The following ANOS1 variants were observed in gnomAD, a reference collection of about 807,000 sequenced individuals.
ANOS1 encodes anosmin 1.
A neutral mutation model predicts 59.0 loss-of-function variants in ANOS1; 6 were observed. The observed-to-expected ratio is 0.10, with a 90% CI of 0.06 to 0.20. The LOEUF (loss-of-function observed/expected upper bound fraction) is 0.20, where lower values mean the gene tolerates loss of function less well. Among genes scored for constraint, ANOS1 ranks in the 10% least tolerant of loss-of-function variants. The pLI, the probability that ANOS1 is intolerant of heterozygous loss-of-function variation, is 1.00. For synonymous variants in ANOS1, 217 were observed against 223.4 expected, an observed-to-expected ratio of 0.97 and a Z score of 0.25; for missense variants, 433 against 542.3, an observed-to-expected ratio of 0.80 and a Z score of 2.00.
intron 3 of ANOS1, among the ~76,000 whole-genome samples, chrX:8,617,930 T>C (rs779833159): frequency 2.5e-4 from 28 of 111,301 alleles, no homozygotes; most frequent in African/African-American, 9.1e-4. Context: ...AAGTAAAACC[T>C]CCTCCTCTGC....
rs143314551 is a variant in ANOS1, at chrX:8,703,384, C to T, written c.208-3639G>A. 2.0e-3 allele frequency among the ~76,000 whole-genome samples: 227 copies of T among 112,229 alleles called. 1 individual carries two copies. Among genetic ancestry groups the T allele is most frequent in the Middle Eastern group, 0.018 (4 of 217 alleles). On this transcript the variant is annotated intron_variant, in intron 1 of 13. Transcript: ENST00000262648. ...AAAATATCACTAACGCGGCAATACACCTTTGACTATTATTATTATTATAGT... is the reference window on the plus strand; with the variant it reads ...AAAATATCACTAACGCGGCAATACATCTTTGACTATTATTATTATTATAGT...
At chrX:8,694,537 G>A (rs910808645) in intron 2 of ANOS1, among the ~76,000 whole-genome samples, 8 of 111,362 alleles carry the variant, frequency 7.2e-5, no homozygotes, top group Non-Finnish European at 1.5e-4. Context: ...GGCATGGTGG[G>A]GGGTACCTGT....
chrX:8,561,070 G>A (rs1202829813), intron 8 of ANOS1, among the ~76,000 whole-genome samples: 1 of 111,913 alleles, frequency 8.9e-6, no homozygotes, highest in Non-Finnish European at 1.9e-5. Flanking sequence ...GAGAGAACAT[G>A]CCCAACCTGC....
chrX:8,596,383 C>A (rs1930736395), intron 4 of ANOS1, among the ~76,000 whole-genome samples: 1 of 111,651 alleles, frequency 9.0e-6, no homozygotes, highest in African/African-American at 3.3e-5. Flanking sequence ...ACAATGGATT[C>A]ATCTTGGCTT....
intron 8 of ANOS1, among the ~76,000 whole-genome samples, chrX:8,567,369 A>G (rs1217754789): frequency 3.6e-5 from 4 of 111,519 alleles, no homozygotes; most frequent in Admixed American, 9.5e-5. Context: ...ATGCCACACC[A>G]CTTTTTGTGC....
chrX:8,656,027 A>T (rs955855958), intron 2 of ANOS1, among the ~76,000 whole-genome samples: 8 of 112,030 alleles, frequency 7.1e-5, no homozygotes, highest in African/African-American at 2.6e-4. Context: ...CACCATTATC[A>T]CACACACGAG....
chrX:8,610,023 A>C (rs1052210259), intron 3 of ANOS1, among the ~76,000 whole-genome samples: 9 of 88,549 alleles, frequency 1.0e-4, no homozygotes, highest in Non-Finnish European at 1.8e-4. Flanking sequence ...AAAAAAAAAA[A>C]AAAAAAAAAA....
In ANOS1 at chrX:8,666,042, GA is replaced by G. The variant is rs370927290; in HGVS notation, c.255+33655del. ...CATAGCAAGATCTTGTCTCTTCAAA[GA>G]AAAAAAAAATTAATTAGCTGGACAT... On this transcript the variant is annotated intron_variant, in intron 2 of 13. Coordinates refer to ENST00000262648, the MANE Select transcript of ANOS1 (RefSeq NM_000216.4). Among the ~76,000 whole-genome samples, 800 of 106,046 alleles carry G rather than the reference GA, an allele frequency of 7.5e-3. 12 individuals are homozygous for G. Among genetic ancestry groups the G allele is most frequent in the African/African-American group, 0.026 (760 of 29,127 alleles). The allele number at this position is 106,046 out of a possible 115,157, so 92.1% of individuals were successfully genotyped here. A position where few individuals can be genotyped will look rare whatever the true frequency, so the allele number is the denominator to read the frequency against.
At chrX:8,594,325 G>A (rs894702556) in intron 4 of ANOS1, among the ~76,000 whole-genome samples, 1 of 109,590 alleles carries the variant, frequency 9.1e-6, no homozygotes, top group African/African-American at 3.3e-5. Flanking sequence ...ATTGCAGGTT[G>A]GTTTGTGCGC....
At chrX:8,663,832 C>A (rs935262434) in intron 2 of ANOS1, among the ~76,000 whole-genome samples, 1 of 111,870 alleles carries the variant, frequency 8.9e-6, no homozygotes, top group African/African-American at 3.3e-5. Context: ...CAATGATAAA[C>A]TGGATAAAGA....
chrX:8,691,224 C>A (rs933899258), intron 2 of ANOS1, among the ~76,000 whole-genome samples: 11 of 109,863 alleles, frequency 1.0e-4, no homozygotes, highest in Non-Finnish European at 1.7e-4. Context: ...CAGGCGTGCA[C>A]CACCACACCC....
intron 8 of ANOS1, among the ~76,000 whole-genome samples, chrX:8,558,444 C>T (rs1036457707): frequency 1.0e-4 from 11 of 109,222 alleles, no homozygotes; most frequent in African/African-American, 3.7e-4. Flanking sequence ...AGTTAATGAA[C>T]CCCCCCTTCA....
chrX:8,671,428 G>A, intron 2 of ANOS1, among the ~76,000 whole-genome samples: 1 of 110,811 alleles, frequency 9.0e-6, no homozygotes, highest in Non-Finnish European at 1.9e-5. Context: ...AGCAAACACT[G>A]ACTTCCTTAC....
intron 9 of ANOS1, among the ~76,000 whole-genome samples, chrX:8,549,324 C>T (rs1433489392): frequency 2.7e-5 from 3 of 111,817 alleles, no homozygotes; most frequent in African/African-American, 9.8e-5. Context: ...ATATCTATGC[C>T]AACAACCATG....
intron 3 of ANOS1, among the ~76,000 whole-genome samples, chrX:8,619,332 AAG>A (rs1197984124): frequency 2.7e-5 from 3 of 111,227 alleles, no homozygotes; most frequent in Admixed American, 9.6e-5. Context: ...TTGGCCGGGC[AAG>A]GTGGCTCACG....
intron 2 of ANOS1, among the ~76,000 whole-genome samples, chrX:8,678,545 A>G (rs1932371290): frequency 8.9e-6 from 1 of 112,330 alleles, no homozygotes; most frequent in African/African-American, 3.2e-5. Flanking sequence ...AAGAAAGAAC[A>G]TGGGCTTTAA....
intron 1 of ANOS1, among the ~76,000 whole-genome samples, chrX:8,729,778 T>C (rs1452020797): frequency 1.9e-5 from 2 of 106,384 alleles, no homozygotes; most frequent in Admixed American, 2.0e-4. Flanking sequence ...CTTGGGGTTT[T>C]ATAAGGAGAA....
chrX:8,641,231 C>T (rs894700919), intron 2 of ANOS1, among the ~76,000 whole-genome samples: 1 of 111,785 alleles, frequency 8.9e-6, no homozygotes, highest in Non-Finnish European at 1.9e-5. Flanking sequence ...CAGACAGACA[C>T]ACACATGCAT....
At chrX:8,590,030 C>T (rs986339847) in intron 4 of ANOS1, among the ~76,000 whole-genome samples, 1 of 111,756 alleles carries the variant, frequency 8.9e-6, no homozygotes, top group African/African-American at 3.3e-5. Context: ...TTGTTCCCAA[C>T]CTATTTCCCT....
Sources: allele counts gnomAD v4.1 joint callset (sites outside exome capture counted in the v4.1 genomes callset), GRCh38; gene constraint gnomAD v4.1.1; transcripts MANE v1.5; gene names NCBI Gene and HGNC (gene_info 2026-07-23, HGNC 2026-07-21).